CTNNA3: variants seen among roughly 807,000 people sequenced by gnomAD.
CTNNA3 encodes the protein catenin alpha-3.
CTNNA3 carries 76 observed loss-of-function variants against 95.7 expected under a neutral mutation model. The observed-to-expected ratio is 0.79, with a 90% CI of 0.66 to 0.96. The LOEUF is 0.96. CTNNA3 is among the 40% of genes least tolerant of loss of function. The probability of loss-of-function intolerance (pLI) is 0.00; values close to 1 mark genes in which losing one functional copy is unlikely to be tolerated. For missense variants in CTNNA3, 1,191 were observed against 1,089.8 expected (o/e 1.09, Z -1.31); for synonymous variants, 431 against 374.4 (o/e 1.15, Z -1.74).
intron 9 of CTNNA3, among the ~76,000 whole-genome samples, chr10:66,721,398 T>C (rs962835607): frequency 2.1e-4 from 32 of 152,238 alleles, no homozygotes; most frequent in African/African-American, 6.3e-4. Flanking sequence ...TTTGTTTTAC[T>C]TATTAGTATA....
chr10:66,612,732 T>C (rs1025044282), intron 10 of CTNNA3, among the ~76,000 whole-genome samples: 1 of 152,114 alleles, frequency 6.6e-6, no homozygotes, highest in Non-Finnish European at 1.5e-5. Context: ...CTCAATTGTT[T>C]ACTTTTTTCA....
intron 5 of CTNNA3, among the ~76,000 whole-genome samples, chr10:67,225,220 C>T (rs1250610605): frequency 6.6e-6 from 1 of 152,158 alleles, no homozygotes; most frequent in Non-Finnish European, 1.5e-5. Context: ...CACAGCAAGA[C>T]CCACCCAAGG....
At chr10:66,004,840 T>C (rs1342946501) in intron 15 of CTNNA3, among the ~76,000 whole-genome samples, 2 of 152,238 alleles carry the variant, frequency 1.3e-5, no homozygotes, top group Admixed American at 6.5e-5. Context: ...CTTGTTCCAC[T>C]AATTTTTCTT....
At chr10:66,902,402 G>A (rs963406013) in intron 7 of CTNNA3, among the ~76,000 whole-genome samples, 3 of 152,164 alleles carry the variant, frequency 2.0e-5, no homozygotes, top group Non-Finnish European at 2.9e-5. Flanking sequence ...GAAATTTATA[G>A]CACTAAATGC....
intron 9 of CTNNA3, among the ~76,000 whole-genome samples, chr10:66,629,401 T>C (rs751897528): frequency 2.0e-5 from 3 of 152,138 alleles, no homozygotes; most frequent in Non-Finnish European, 4.4e-5. Context: ...TCAAATCATG[T>C]ATTAGGTTGG....
rs530037087 is a variant in CTNNA3, at chr10:66,629,149, G to A, written c.1282-7365C>T. Among the ~76,000 whole-genome samples the A allele has an allele frequency of 2.6e-4, 40 of 152,142 alleles. No individual in the cohort carries two copies. The South Asian group carries it at 5.0e-3, about 19-fold the overall frequency. On this transcript the variant is annotated intron_variant, in intron 9 of 17. Coordinates refer to ENST00000433211, the MANE Select transcript of CTNNA3 (RefSeq NM_013266.4). The stretch of plus-strand genomic sequence containing the variant: ...CATATATCAACTGCTGAGAGGTCAA[G>A]TAAGTTATCCCTGAAAATATCCAGT...
At chr10:67,198,522 T>C (rs1256968462) in intron 6 of CTNNA3, among the ~76,000 whole-genome samples, 3 of 152,156 alleles carry the variant, frequency 2.0e-5, no homozygotes, top group Non-Finnish European at 4.4e-5. Context: ...AGGGAAAAGA[T>C]ACTCTGAGAA....
chr10:67,007,708 A>C (rs1852083180), intron 7 of CTNNA3, among the ~76,000 whole-genome samples: 1 of 152,108 alleles, frequency 6.6e-6, no homozygotes, highest in South Asian at 2.1e-4. Flanking sequence ...AATTTATTAC[A>C]AATAAGTATA....
intron 5 of CTNNA3, among the ~76,000 whole-genome samples, chr10:67,294,627 CCCAG>C (rs1839963588): frequency 6.6e-6 from 1 of 151,816 alleles, no homozygotes; most frequent in South Asian, 2.1e-4. Flanking sequence ...AAAGTGACTC[CCCAG>C]TTCTCCCACT....
At chr10:67,393,422 C>G (rs1389312213) in intron 5 of CTNNA3, among the ~76,000 whole-genome samples, 2 of 152,136 alleles carry the variant, frequency 1.3e-5, no homozygotes, top group Admixed American at 1.3e-4. Flanking sequence ...TATGGCAACA[C>G]TTTTCAGAGC....
intron 9 of CTNNA3, among the ~76,000 whole-genome samples, chr10:66,660,468 A>AC (rs1255118219): frequency 6.6e-6 from 1 of 152,176 alleles, no homozygotes; most frequent in African/African-American, 2.4e-5. Flanking sequence ...TGTAGTTCTT[A>AC]GAGTTGTGCT....
intron 10 of CTNNA3, among the ~76,000 whole-genome samples, chr10:66,544,537 G>T (rs1025220311): frequency 4.6e-5 from 7 of 151,970 alleles, no homozygotes; most frequent in African/African-American, 1.7e-4. Context: ...GAAAATATAA[G>T]AAATTTCTGT....
intron 12 of CTNNA3, among the ~76,000 whole-genome samples, chr10:66,364,263 C>G (rs764906723): frequency 3.3e-5 from 5 of 151,104 alleles, no homozygotes; most frequent in African/African-American, 7.3e-5. Context: ...GACAAAATGT[C>G]CAGGTGCACT....
intron 7 of CTNNA3, among the ~76,000 whole-genome samples, chr10:66,804,198 G>A (rs1564693907): frequency 6.6e-6 from 1 of 151,960 alleles, no homozygotes; most frequent in Non-Finnish European, 1.5e-5. Flanking sequence ...CTCTTAAACT[G>A]GTTTCCAGAA....
chr10:67,477,988 ATCAG>A (rs1482395211), intron 5 of CTNNA3, among the ~76,000 whole-genome samples: 1 of 152,232 alleles, frequency 6.6e-6, no homozygotes, highest in Non-Finnish European at 1.5e-5. Context: ...TTAAAAATAA[ATCAG>A]TCAGAGCTTC....
intron 12 of CTNNA3, among the ~76,000 whole-genome samples, chr10:66,375,151 T>C (rs2092786444): frequency 6.6e-6 from 1 of 151,878 alleles, no homozygotes; most frequent in Admixed American, 6.6e-5. Flanking sequence ...GTGATGGCAG[T>C]TAATAATCTT....
rs138626235 is a variant in CTNNA3, at chr10:66,708,760, T to C, written c.1281+57504A>G. Among the ~76,000 whole-genome samples, 284 of 152,236 alleles carry C rather than the reference T, an allele frequency of 1.9e-3. 1 individual carries two copies. Among genetic ancestry groups the C allele is most frequent in the African/African-American group, 6.7e-3 (279 of 41,564 alleles). On this transcript the variant is annotated intron_variant, in intron 9 of 17. Transcript: ENST00000433211. ...TGATCATGTCTCACCACCTAGGCAA[T>C]GCTGAAATCCCTCGTAAGGTTGTAA...
rs550078434 is a variant in CTNNA3 at position 67,158,805 on chromosome 10, A to C, written c.1047+21512T>G. Among the ~76,000 whole-genome samples, 56 of 152,188 alleles carry C rather than the reference A, an allele frequency of 3.7e-4. No homozygotes were observed. In the South Asian group the frequency reaches 0.011, roughly 29 times the overall value. ...TTAGTTCACCAAAATGCTTCAGCACAAGTGTACTATATAAATCACTATCAA... is the reference window on the plus strand; with the variant it reads ...TTAGTTCACCAAAATGCTTCAGCACCAGTGTACTATATAAATCACTATCAA... On this transcript the variant is annotated intron_variant, in intron 7 of 17. Transcript: ENST00000433211.
At chr10:66,348,365 C>T (rs1021607279) in intron 12 of CTNNA3, among the ~76,000 whole-genome samples, 2 of 152,102 alleles carry the variant, frequency 1.3e-5, no homozygotes, top group Non-Finnish European at 2.9e-5. Context: ...AATCAATTCA[C>T]ATAATCCCAC....
Sources: allele counts gnomAD v4.1 joint callset (sites outside exome capture counted in the v4.1 genomes callset), GRCh38; gene constraint gnomAD v4.1.1; transcripts MANE v1.5; gene names NCBI Gene and HGNC (gene_info 2026-07-23, HGNC 2026-07-21).